The following NSMCE4A variants were observed in gnomAD, a reference collection of about 807,000 sequenced individuals.
The protein encoded by NSMCE4A is non-structural maintenance of chromosomes element 4 homolog A.
NSMCE4A carries 40 observed loss-of-function variants against 47.9 expected under a neutral mutation model. The observed-to-expected ratio is 0.83, with a 90% CI of 0.65 to 1.09. The LOEUF (loss-of-function observed/expected upper bound fraction) is 1.09, where lower values mean the gene tolerates loss of function less well. Ranked by LOEUF, NSMCE4A falls within the 50% of genes least tolerant of loss-of-function variation. The pLI is 0.00. For missense variants in NSMCE4A, 500 were observed against 507.0 expected (o/e 0.99, Z 0.13); for synonymous variants, 166 against 178.5 (o/e 0.93, Z 0.56).
chr10:121,963,414 TTC>T lies in NSMCE4A; in HGVS notation c.754-88_754-87del, dbSNP rs1217143100. 5 of 739,084 alleles carry T rather than the reference TTC, an allele frequency of 6.8e-6. No individual in the cohort carries two copies. In the Admixed American group the frequency reaches 7.3e-5, roughly 11 times the overall value. The allele number at this position is 739,084 out of a possible 1,614,324, so 45.8% of individuals were successfully genotyped here. On this transcript the variant is annotated intron_variant, in intron 5 of 10. Transcript: ENST00000369023. ...CTCTTGCACACCCAAACTCCTTTTC[TTC>T]TCTCTTGCACACCCGAACTCTTTTT... is the stretch of plus-strand genomic sequence containing the variant.
At chr10:121,973,976 C>T (rs1016234329) in intron 2 of NSMCE4A, 28 bp downstream of exon 2, 3 of 1,469,188 alleles carry the variant, frequency 2.0e-6, no homozygotes, top group African/African-American at 2.8e-5. Context: ...TCATAAAACA[C>T]GAAATAACAT....
chr10:121,957,860 G>T (rs1351992453), intron 10 of NSMCE4A, among the ~76,000 whole-genome samples: 1 of 152,002 alleles, frequency 6.6e-6, no homozygotes, highest in Non-Finnish European at 1.5e-5. Flanking sequence ...GAAAATTTGA[G>T]CTAGAAAAAA....
rs1952588814 is a variant in NSMCE4A, at chr10:121,965,401, CTTTCA to C, written c.654-21_654-17del. ...TGAACCCAACCTAATGAAAAGTATG[CTTTCA>C]TTTATTTTTTTTGCCTGTTGTTTGT... On this transcript the variant is annotated splice_polypyrimidine_tract_variant and intron_variant, in intron 4 of 10. Transcript: ENST00000369023. 6 of 1,573,668 alleles carry C rather than the reference CTTTCA, an allele frequency of 3.8e-6. No individual in the cohort carries two copies. The highest frequency in any genetic ancestry group is 3.4e-4 in the Middle Eastern group (2 of 5,940).
At chr10:121,971,307 G>A (rs202141604) in intron 2 of NSMCE4A, among the ~76,000 whole-genome samples, 1 of 151,956 alleles carries the variant, frequency 6.6e-6, no homozygotes, top group East Asian at 1.9e-4. Context: ...TCAGGAGATC[G>A]AGACCATCCT....
rs1345613273 is a variant in NSMCE4A, at chr10:121,967,807, C to A, written c.502-1G>T. 1.3e-6 allele frequency: 2 copies of A among 1,595,016 alleles called. No individual in the cohort carries two copies. The highest frequency in any genetic ancestry group is 1.7e-6 in the Non-Finnish European group (2 of 1,175,332). The stretch of plus-strand genomic sequence containing the variant: ...GCGGATTTACACCCATATGTGTGAG[C>A]TACAAAAATGAAGGAAAACAAAAAA... On this transcript the variant is annotated splice_acceptor_variant, in intron 3 of 10. Transcript: ENST00000369023. LOFTEE classifies it high-confidence loss of function.
Position 121,967,734 on chromosome 10 carries a change from A to G in NSMCE4A, c.574T>C (p.Phe192Leu), listed in dbSNP as rs1209519641. Residue 192 changes from phenylalanine to leucine, a missense_variant, in exon 4 of 11, where the codon TTC becomes CTC. Physicochemically the swap from Phe to Leu is conservative, Grantham distance 22 (BLOSUM62 0). Coordinates refer to ENST00000369023, the MANE Select transcript of NSMCE4A (RefSeq NM_017615.3). ...ATCTTCCAGGAGTCATAGACTATGA[A>G]TTCAAAATCAGGACTATCTTCATCA... ...IRDEDSPDFEFIVYDSWKITG... is the reference protein window; with the variant it reads ...IRDEDSPDFELIVYDSWKITG... The G allele has an allele frequency of 6.2e-7, 1 of 1,614,180 alleles. No individual in the cohort carries two copies. The highest frequency in any genetic ancestry group is 8.5e-7 in the Non-Finnish European group (1 of 1,180,016).
chr10:121,974,126 C>G (rs1297498621), intron 1 of NSMCE4A, 45 bp from the exon 2 acceptor site: 1 of 1,505,684 alleles, frequency 6.6e-7, no homozygotes, highest in African/African-American at 1.4e-5. Context: ...TCAGCATTCA[C>G]TAATAAGCAG....
intron 10 of NSMCE4A, among the ~76,000 whole-genome samples, chr10:121,958,568 T>C (rs564662486): frequency 1.3e-5 from 2 of 152,164 alleles, no homozygotes; most frequent in African/African-American, 4.8e-5. Context: ...AACAACAACA[T>C]GGATGAGAGG....
intron 1 of NSMCE4A, chr10:121,974,580 T>G (rs1952781002): frequency 9.7e-7 from 1 of 1,034,852 alleles, no homozygotes; most frequent in African/African-American, 1.7e-5. Flanking sequence ...GTCCGCGTCC[T>G]GCCTCTCCCC....
At position 121,967,789 on chromosome 10, in the gene NSMCE4A, T is replaced by C. The variant is rs368824011; in HGVS notation, c.519A>G (p.Val173=). The change falls in exon 4 of 11, where the codon GTA becomes GTG. Residue 173 remains valine (V), a synonymous_variant. Coordinates refer to ENST00000369023, the MANE Select transcript of NSMCE4A (RefSeq NM_017615.3). Reference sequence around the variant, plus strand: ...TGAGTTCTTCAGCTTCTAGCGGATTTACACCCATATGTGTGAGCTACAAAA... The same window carrying C: ...TGAGTTCTTCAGCTTCTAGCGGATTCACACCCATATGTGTGAGCTACAAAA... ...YVETLLTHMG[V]NPLEAEELIR... 1.2e-6 allele frequency: 2 copies of C among 1,611,296 alleles called. No individual in the cohort carries two copies. The highest frequency in any genetic ancestry group is 2.7e-5 in the African/African-American group (2 of 74,772).
rs573626593 is a variant in NSMCE4A, at chr10:121,972,371, C to G, written c.371-1302G>C. Among the ~76,000 whole-genome samples, 33 of 152,250 alleles carry G rather than the reference C, an allele frequency of 2.2e-4. 1 individual carries two copies. In the East Asian group the frequency reaches 6.0e-3, roughly 28 times the overall value. ...GCCTGCAGGGTCTGATTAAGCAACC[C>G]CCTCAGCCCCGCTGTTTCCTTTTGT... On this transcript the variant is annotated intron_variant, in intron 2 of 10. Coordinates refer to ENST00000369023, the MANE Select transcript of NSMCE4A (RefSeq NM_017615.3).
chr10:121,964,029 G>T (rs1952554889), intron 5 of NSMCE4A, among the ~76,000 whole-genome samples: 2 of 146,472 alleles, frequency 1.4e-5, no homozygotes, highest in South Asian at 4.3e-4. Flanking sequence ...CCAGCAGGCG[G>T]AGGTTGCAGT....
intron 3 of NSMCE4A, among the ~76,000 whole-genome samples, chr10:121,968,205 T>C (rs1952642880): frequency 6.6e-6 from 1 of 152,160 alleles, no homozygotes; most frequent in African/African-American, 2.4e-5. Flanking sequence ...TAATGCACAG[T>C]AACAGCCCCC....
At chr10:121,961,723 C>G in intron 6 of NSMCE4A, 1 of 459,750 alleles carries the variant, frequency 2.2e-6, no homozygotes, top group South Asian at 4.7e-5. Context: ...AGAAGCTGTG[C>G]TACAGAAATA....
chr10:121,963,813 G>A (rs1276124385), intron 5 of NSMCE4A, among the ~76,000 whole-genome samples: 1 of 151,980 alleles, frequency 6.6e-6, no homozygotes. Context: ...CCGGGAGGCG[G>A]AGCTTGCAGT....
Position 121,975,150 on chromosome 10 carries a change from TG to T in NSMCE4A, c.15del (p.Ser5ArgfsTer63). 7.1e-7 allele frequency: 1 copy of T among 1,403,104 alleles called. No homozygotes were observed. The highest frequency in any genetic ancestry group is 9.2e-7 in the Non-Finnish European group (1 of 1,090,592). 86.9% of individuals were successfully genotyped at this position (1,403,104 alleles called of 1,614,324 possible). On this transcript the variant is annotated frameshift_variant, in exon 1 of 11. Coordinates refer to ENST00000369023, the MANE Select transcript of NSMCE4A (RefSeq NM_017615.3). LOFTEE classifies it high-confidence loss of function. MSGD[S>X]SGRGPEGRGR... ...CCCCGGCCCTCTGGCCCGCGGCCGC[TG>T]CTGTCCCCAGACATAGCGCCAATTC...
intron 4 of NSMCE4A, chr10:121,965,792 C>T (rs1564994747): frequency 6.1e-6 from 1 of 163,142 alleles, no homozygotes; most frequent in Non-Finnish European, 1.3e-5. Flanking sequence ...AAGGCAGAGG[C>T]TCCCAGCCCA....
In NSMCE4A at chr10:121,974,880, C is replaced by T; in HGVS notation, c.286G>A (p.Val96Ile). Residue 96 changes from valine to isoleucine, a missense_variant, in exon 1 of 11, where the codon GTC becomes ATC. Coordinates refer to ENST00000369023, the MANE Select transcript of NSMCE4A (RefSeq NM_017615.3). ...RHQYRALINS[V>I]QQNREDILNA... ...CCCGGAGGCGCCGCCTTACGTTGGA[C>T]GGAGTTGATGAGCGCCCGGTACTGA... is the stretch of plus-strand genomic sequence containing the variant. The T allele has an allele frequency of 1.3e-6, 2 of 1,492,774 alleles. No individual in the cohort carries two copies. Among genetic ancestry groups the T allele is most frequent in the South Asian group, 2.5e-5 (2 of 78,544 alleles). 92.5% of individuals were successfully genotyped at this position (1,492,774 alleles called of 1,614,324 possible). A position where few individuals can be genotyped will look rare whatever the true frequency, so the allele number is the denominator to read the frequency against.
intron 4 of NSMCE4A, chr10:121,967,246 G>C (rs1952623929): frequency 6.4e-6 from 1 of 157,020 alleles, no homozygotes; most frequent in Admixed American, 6.5e-5. Context: ...AGCCAGGCCG[G>C]AGTGCAATGG....
Sources: allele counts gnomAD v4.1 joint callset (sites outside exome capture counted in the v4.1 genomes callset), GRCh38; gene constraint gnomAD v4.1.1; transcripts MANE v1.5; gene names NCBI Gene and HGNC (gene_info 2026-07-23, HGNC 2026-07-21).